The following MGAT4D variants were observed in gnomAD, a reference collection of about 807,000 sequenced individuals.
MGAT4D encodes the protein MGAT4 family member D, also known as alpha-1,3-mannosyl-glycoprotein 4-beta-N-acetylglucosaminyltransferase-like protein MGAT4D.
MGAT4D carries 34 observed loss-of-function variants against 15.9 expected under a neutral mutation model. The observed-to-expected ratio is 2.14, with a 90% confidence interval of 1.62 to 2.84. The LOEUF (loss-of-function observed/expected upper bound fraction) is 2.84. MGAT4D is among the 30% of genes most tolerant of loss of function. The pLI is 0.00. For synonymous variants in MGAT4D, 112 were observed against 48.2 expected (o/e 2.33, Z -5.49); for missense variants, 327 against 140.2 (o/e 2.33, Z -6.73).
chr4:140,444,482 T>C (rs746535753), intron 10 of MGAT4D, among the ~76,000 whole-genome samples: 1 of 152,220 alleles, frequency 6.6e-6, no homozygotes, highest in Non-Finnish European at 1.5e-5. Flanking sequence ...TTTGGATTTC[T>C]GTTCCTGTGT....
At chr4:140,454,049 G>A (rs187913541) in intron 9 of MGAT4D, among the ~76,000 whole-genome samples, 13 of 151,754 alleles carry the variant, frequency 8.6e-5, no homozygotes, top group African/African-American at 2.9e-4. Context: ...TTTATTCTTT[G>A]TGATTTTCTA....
At chr4:140,446,262 C>T (rs1446459761) in intron 10 of MGAT4D, among the ~76,000 whole-genome samples, 3 of 152,134 alleles carry the variant, frequency 2.0e-5, no homozygotes, top group South Asian at 2.1e-4. Flanking sequence ...CTTCTTTGCA[C>T]ATCTAATAGA....
At chr4:140,447,802 T>C (rs974310421) in intron 10 of MGAT4D, among the ~76,000 whole-genome samples, 2 of 152,266 alleles carry the variant, frequency 1.3e-5, no homozygotes, top group Non-Finnish European at 2.9e-5. Context: ...ATAATGTCAC[T>C]GGTCTGTGTA....
At chr4:140,486,701 A>G (rs1733158445) in intron 1 of MGAT4D, among the ~76,000 whole-genome samples, 3 of 152,238 alleles carry the variant, frequency 2.0e-5, no homozygotes, top group Admixed American at 1.3e-4. Flanking sequence ...TAGTTCTTAT[A>G]CAAATATATG....
At chr4:140,458,604 G>T (rs1228494374) in intron 8 of MGAT4D, 1 of 152,154 alleles carries the variant, frequency 6.6e-6, no homozygotes, top group Non-Finnish European at 1.5e-5. Context: ...ATAAATTTCA[G>T]TGACCATCAT....
intron 1 of MGAT4D, among the ~76,000 whole-genome samples, chr4:140,484,264 T>C (rs1466796849): frequency 6.6e-6 from 1 of 152,066 alleles, no homozygotes; most frequent in Non-Finnish European, 1.5e-5. Context: ...AAACAAGACA[T>C]GAATATGGCC....
chr4:140,486,777 A>G (rs1733163960), intron 1 of MGAT4D, among the ~76,000 whole-genome samples: 1 of 152,206 alleles, frequency 6.6e-6, no homozygotes, highest in Non-Finnish European at 1.5e-5. Flanking sequence ...TGATTCTTAA[A>G]CTGAATCATG....
chr4:140,461,032 A>G (rs1012887575), intron 7 of MGAT4D, among the ~76,000 whole-genome samples: 1 of 152,202 alleles, frequency 6.6e-6, no homozygotes, highest in Non-Finnish European at 1.5e-5. Flanking sequence ...AATATCCTCC[A>G]TAAGAGAGAC....
At chr4:140,480,728 AACACAC>A (rs10615827) in intron 2 of MGAT4D, among the ~76,000 whole-genome samples, 12,444 of 125,400 alleles carry the variant, frequency 0.099, 672 homozygotes, top group Non-Finnish European at 0.11. Context: ...CTCATCTCTA[AACACAC>A]ACACACACAC....
chr4:140,493,085 G>A (rs1164388581), intron 1 of MGAT4D, among the ~76,000 whole-genome samples: 1 of 151,860 alleles, frequency 6.6e-6, no homozygotes, highest in African/African-American at 2.4e-5. Context: ...TCTTTTAACT[G>A]ATTAAAAAGT....
intron 9 of MGAT4D, among the ~76,000 whole-genome samples, chr4:140,453,459 T>C: frequency 6.6e-6 from 1 of 152,040 alleles, no homozygotes; most frequent in Non-Finnish European, 1.5e-5. Context: ...ACATATTTTG[T>C]TAAATGTATA....
chr4:140,471,284 TTC>T lies in MGAT4D; in HGVS notation c.572+489_572+490del, dbSNP rs761647512. On this transcript the variant is annotated intron_variant, in intron 5 of 10. Transcript: ENST00000511113. Reference sequence around the variant, plus strand: ...CTTCCTTCCTTCCTTCCTTCCTTCCTTCTCTCTCTTTTCTTTTCGTTTCTTTT... The same window carrying T: ...CTTCCTTCCTTCCTTCCTTCCTTCCTTCTCTCTTTTCTTTTCGTTTCTTTT... 8.0e-4 allele frequency among the ~76,000 whole-genome samples: 118 copies of T among 146,890 alleles called. 1 individual carries two copies. Among genetic ancestry groups the T allele is most frequent in the Non-Finnish European group, 1.4e-3 (95 of 66,530 alleles).
intron 6 of MGAT4D, among the ~76,000 whole-genome samples, chr4:140,463,395 T>C (rs1212953768): frequency 6.6e-6 from 1 of 151,964 alleles, no homozygotes; most frequent in Non-Finnish European, 1.5e-5. Flanking sequence ...CAGAAGCCAC[T>C]GCCAAAGGTG....
intron 10 of MGAT4D, among the ~76,000 whole-genome samples, chr4:140,444,230 C>T (rs1237195735): frequency 6.6e-6 from 1 of 151,932 alleles, no homozygotes; most frequent in South Asian, 2.1e-4. Context: ...AAAAAGCTTT[C>T]ATTTTAGGCT....
At chr4:140,481,609 A>T (rs145989371) in intron 2 of MGAT4D, among the ~76,000 whole-genome samples, 2 of 152,356 alleles carry the variant, frequency 1.3e-5, no homozygotes, top group East Asian at 3.9e-4. Flanking sequence ...TTGAACATCG[A>T]TACAACGAAA....
intron 1 of MGAT4D, among the ~76,000 whole-genome samples, chr4:140,483,772 C>T (rs780260723): frequency 2.5e-4 from 38 of 152,018 alleles, no homozygotes; most frequent in Non-Finnish European, 5.0e-4. Flanking sequence ...AGAACAGTGT[C>T]TTCAATAAAA....
intron 1 of MGAT4D, among the ~76,000 whole-genome samples, chr4:140,491,253 C>T (rs1733482256): frequency 6.6e-6 from 1 of 152,136 alleles, no homozygotes; most frequent in Admixed American, 6.5e-5. Context: ...TCTATTTTGT[C>T]GGCATATTCC....
intron 10 of MGAT4D, among the ~76,000 whole-genome samples, chr4:140,445,047 A>G (rs1008106160): frequency 1.1e-4 from 11 of 96,462 alleles, no homozygotes; most frequent in African/African-American, 3.3e-4. Context: ...ACGCCCAGCT[A>G]ATGTTTGTAT....
intron 7 of MGAT4D, among the ~76,000 whole-genome samples, chr4:140,460,562 G>A (rs1041106681): frequency 6.6e-6 from 1 of 152,334 alleles, no homozygotes. Flanking sequence ...GAGGCCAGGA[G>A]CCGTGGCTCA....
Sources: allele counts gnomAD v4.1 joint callset (sites outside exome capture counted in the v4.1 genomes callset), GRCh38; gene constraint gnomAD v4.1.1; transcripts MANE v1.5; gene names NCBI Gene and HGNC (gene_info 2026-07-23, HGNC 2026-07-21).